Variants in DENND1A observed in about 807,000 individuals in gnomAD.
DENND1A encodes the protein DENN domain containing 1A, also known as DENN domain-containing protein 1A.
Under a neutral mutation model 113.7 loss-of-function variants are expected in DENND1A, and 51 were observed. That is an observed-to-expected ratio of 0.45 (90% confidence interval 0.36 to 0.57). The LOEUF (loss-of-function observed/expected upper bound fraction) is 0.57, where lower values mean the gene tolerates loss of function less well. DENND1A is among the 20% of genes least tolerant of loss of function. DENND1A has a pLI of 0.00. For missense variants in DENND1A, 1,258 were observed against 1,395.9 expected (o/e 0.90, Z 1.57); for synonymous variants, 565 against 570.8 (o/e 0.99, Z 0.14).
chr9:123,389,831 G>A (rs995879046), intron 21 of DENND1A, among the ~76,000 whole-genome samples: 6 of 152,250 alleles, frequency 3.9e-5, no homozygotes, highest in Admixed American at 3.3e-4. Context: ...TGCGCAGGCC[G>A]TGGGCTTCTG....
chr9:123,811,978 T>TA (rs1167106684), intron 2 of DENND1A, among the ~76,000 whole-genome samples: 2 of 152,158 alleles, frequency 1.3e-5, no homozygotes, highest in Admixed American at 6.5e-5. Flanking sequence ...GTGAATATCA[T>TA]AGAGTGTACT....
intron 5 of DENND1A, among the ~76,000 whole-genome samples, chr9:123,747,603 T>C (rs1416996857): frequency 1.3e-5 from 2 of 152,178 alleles, no homozygotes; most frequent in Admixed American, 6.5e-5. Flanking sequence ...CTACAATATA[T>C]AGAATTTAAT....
chr9:123,382,623 C>A lies in DENND1A; in HGVS notation c.2022G>T (p.Arg674Ser), dbSNP rs1471583738. Residue 674 changes from arginine (R) to serine (S), a missense_variant and splice_region_variant, in exon 24 of 24, where the codon AGG (arginine) becomes AGT (serine). By Grantham distance (110) the Arg-to-Ser change is moderately radical. This residue lies in a region of DENND1A where 1,159 missense variants were observed against 1,231.7 expected (regional missense o/e 0.94). Transcript: ENST00000394215. ...TCCTCTCACTCCCGCCCAGATCCAGCCTCTGTTGGGAGGGAAGGAGGGCGG... is the reference window on the plus strand; with the variant it reads ...TCCTCTCACTCCCGCCCAGATCCAGACTCTGTTGGGAGGGAAGGAGGGCGG... ...REQPGTFDYQ[R>S]LDLGGSERSR... is the part of the protein sequence containing the mutation. 6.2e-7 allele frequency: 1 copy of A among 1,613,896 alleles called. No individual in the cohort carries two copies. The highest frequency in any genetic ancestry group is 8.5e-7 in the Non-Finnish European group (1 of 1,179,928).
chr9:123,410,049 A>G (rs2044183392), intron 20 of DENND1A, among the ~76,000 whole-genome samples: 1 of 152,174 alleles, frequency 6.6e-6, no homozygotes. Context: ...CTGAGATTGC[A>G]CCACTGCACT....
intron 4 of DENND1A, among the ~76,000 whole-genome samples, chr9:123,766,468 T>C (rs1828833360): frequency 6.6e-6 from 1 of 152,224 alleles, no homozygotes; most frequent in South Asian, 2.1e-4. Flanking sequence ...CTAGAGCTTC[T>C]AGGAAGAATA....
chr9:123,390,252 G>T (rs908554767), intron 21 of DENND1A, among the ~76,000 whole-genome samples: 2 of 152,200 alleles, frequency 1.3e-5, no homozygotes, highest in African/African-American at 4.8e-5. Flanking sequence ...GGAAGTTTGC[G>T]AATGAATGAA....
chr9:123,588,528 G>T lies in DENND1A; in HGVS notation c.766-5258C>A, dbSNP rs529349991. On this transcript the variant is annotated intron_variant, in intron 11 of 23. Transcript: ENST00000394215. ...CCAGCTACTTGGGAGGCTGAGGAAG[G>T]AGAATTGCTTGGACCTGGGAGGCGG... is the stretch of plus-strand genomic sequence containing the variant. 3.4e-5 allele frequency among the ~76,000 whole-genome samples: 5 copies of T among 145,930 alleles called. No individual in the cohort carries two copies. In the South Asian group the frequency reaches 1.1e-3, roughly 33 times the overall value.
intron 2 of DENND1A, among the ~76,000 whole-genome samples, chr9:123,833,297 T>C (rs1042552402): frequency 1.3e-5 from 2 of 152,174 alleles, no homozygotes; most frequent in African/African-American, 2.4e-5. Flanking sequence ...TCCATCAAAC[T>C]GTTAACTTGT....
chr9:123,536,665 C>T (rs1481254744), intron 13 of DENND1A, among the ~76,000 whole-genome samples: 2 of 151,834 alleles, frequency 1.3e-5, no homozygotes, highest in Admixed American at 6.6e-5. Context: ...TAGGAACTCC[C>T]GAGAAAATGC....
rs375065515 is a variant in DENND1A at position 123,415,645 on chromosome 9, G to A, written c.1489-3816C>T. Among the ~76,000 whole-genome samples the A allele has an allele frequency of 6.6e-5, 10 of 152,348 alleles. No homozygotes were observed. In the East Asian group the frequency reaches 1.9e-3, roughly 29 times the overall value. On this transcript the variant is annotated intron_variant, in intron 19 of 23. Coordinates refer to ENST00000394215, the MANE Select transcript of DENND1A (RefSeq NM_001352964.2). ...AGGGCCCTCCTGCTCCCACCGCAGG[G>A]TCTCCAGGCCTAGCTGGTTTGCTGA...
chr9:123,705,242 T>C (rs971399415), intron 5 of DENND1A, among the ~76,000 whole-genome samples: 3 of 152,206 alleles, frequency 2.0e-5, no homozygotes, highest in African/African-American at 4.8e-5. Context: ...TTACGACTTA[T>C]TGGAGAAATG....
chr9:123,441,765 G>C (rs1227615828), intron 18 of DENND1A, among the ~76,000 whole-genome samples: 2 of 152,174 alleles, frequency 1.3e-5, no homozygotes, highest in African/African-American at 4.8e-5. Context: ...AACTCAGCCA[G>C]AATTATATAA....
intron 19 of DENND1A, among the ~76,000 whole-genome samples, chr9:123,437,107 T>C (rs996632916): frequency 6.6e-6 from 1 of 152,186 alleles, no homozygotes; most frequent in Non-Finnish European, 1.5e-5. Flanking sequence ...TGGAGCCTAC[T>C]TCCCTCATTG....
intron 2 of DENND1A, among the ~76,000 whole-genome samples, chr9:123,821,598 T>C (rs948401536): frequency 6.6e-6 from 1 of 152,216 alleles, no homozygotes; most frequent in African/African-American, 2.4e-5. Context: ...AGATTAACTA[T>C]AAGAAAGGAG....
At position 123,575,165 on chromosome 9, in the gene DENND1A, G is replaced by A. The variant is rs558122758; in HGVS notation, c.867+8004C>T. On this transcript the variant is annotated intron_variant, in intron 12 of 23. Coordinates refer to ENST00000394215, the MANE Select transcript of DENND1A (RefSeq NM_001352964.2). ...GGACTGCTGGGGGTGGTGGAGAGGT[G>A]CAAGGGAGGATGGTTTTGGGATGAA... Among the ~76,000 whole-genome samples, 167 of 152,314 alleles carry A rather than the reference G, an allele frequency of 1.1e-3. 1 individual carries two copies. The highest frequency in any genetic ancestry group is 3.7e-3 in the African/African-American group (155 of 41,582).
At chr9:123,771,232 C>G (rs1256531311) in intron 3 of DENND1A, among the ~76,000 whole-genome samples, 3 of 152,062 alleles carry the variant, frequency 2.0e-5, no homozygotes, top group African/African-American at 7.2e-5. Flanking sequence ...AGAATCAGAA[C>G]AAAGGCAATT....
At chr9:123,758,660 A>T (rs750451458) in intron 4 of DENND1A, among the ~76,000 whole-genome samples, 1 of 152,250 alleles carries the variant, frequency 6.6e-6, no homozygotes, top group Admixed American at 6.5e-5. Flanking sequence ...AAATGGAAAC[A>T]ACATTTTAAA....
At chr9:123,471,303 G>A (rs1363876770) in intron 13 of DENND1A, among the ~76,000 whole-genome samples, 1 of 152,140 alleles carries the variant, frequency 6.6e-6, no homozygotes, top group Non-Finnish European at 1.5e-5. Context: ...TCTGCCGAAT[G>A]GGGGAGCTAC....
At chr9:123,571,043 T>C (rs1055978561) in intron 12 of DENND1A, among the ~76,000 whole-genome samples, 3 of 152,138 alleles carry the variant, frequency 2.0e-5, no homozygotes, top group East Asian at 1.9e-4. Context: ...TCATGGAACA[T>C]AGCAAGGTAT....
Sources: gnomAD v4.1 joint callset for allele counts (sites outside exome capture counted in the v4.1 genomes callset) on GRCh38, gnomAD v4.1.1 for gene constraint, gnomAD v4.1.1 regional missense constraint, MANE v1.5 for transcripts, NCBI Gene and HGNC (gene_info 2026-07-23, HGNC 2026-07-21) for gene names.